ANKRD53: variants seen among roughly 807,000 people sequenced by gnomAD.
The protein encoded by ANKRD53 is ankyrin repeat domain 53.
In ANKRD53, 27 loss-of-function variants were observed where a neutral mutation model predicts 30.1. The ratio of observed to expected loss-of-function variants is 0.90; its 90% confidence interval spans 0.66 to 1.24. The LOEUF (loss-of-function observed/expected upper bound fraction) is 1.24, where lower values mean the gene tolerates loss of function less well. Among genes scored for constraint, ANKRD53 ranks in the 50% most tolerant of loss-of-function variants. ANKRD53 has a pLI of 0.00. For missense variants in ANKRD53, 682 were observed against 721.0 expected (o/e 0.95, Z 0.62); for synonymous variants, 286 against 295.4 (o/e 0.97, Z 0.33).
At chr2:70,981,856 G>T in intron 3 of ANKRD53, 80 bp from the exon 4 acceptor site, 2 of 1,411,874 alleles carry the variant, frequency 1.4e-6, no homozygotes, top group South Asian at 1.5e-5. Flanking sequence ...CTTGGAAACT[G>T]GTGTGTCCAT....
At position 70,982,279 on chromosome 2, in the gene ANKRD53, G is replaced by C; in HGVS notation, c.782+179G>C. On this transcript the variant is annotated intron_variant, in intron 4 of 5. Transcript: ENST00000360589. This position sits in a 1 kb window ranked among gnomAD's most constrained non-coding sequence, Gnocchi z 4.2. ...GCAATCACCTCATCACCTGGGCTTG[G>C]GGGTAAGTCTGCCCAGGTCCCCTGC... The C allele has an allele frequency of 1.2e-6, 1 of 824,032 alleles. No homozygotes were observed. Among genetic ancestry groups the C allele is most frequent in the Non-Finnish European group, 1.8e-6 (1 of 546,362 alleles). 51.0% of individuals were successfully genotyped at this position (824,032 alleles called of 1,614,324 possible). A position where few individuals can be genotyped will look rare whatever the true frequency, so the allele number is the denominator to read the frequency against.
At chr2:70,983,799 C>T (rs1473606293) in intron 5 of ANKRD53, among the ~76,000 whole-genome samples, 31 of 152,212 alleles carry the variant, frequency 2.0e-4, no homozygotes. Flanking sequence ...CATATGCTGA[C>T]TGACTTAGGT....
chr2:70,978,628 C>G (rs1553422775), upstream of ANKRD53: 1 of 1,516,896 alleles, frequency 6.6e-7, no homozygotes. The surrounding 1 kb of genome is among the most constrained non-coding windows in gnomAD (Gnocchi z 4.3). Flanking sequence ...CGGCCCGGGT[C>G]CGAGTTCCAG....
chr2:70,982,165 G>T lies in ANKRD53; in HGVS notation c.782+65G>T. On this transcript the variant is annotated intron_variant, in intron 4 of 5. Transcript: ENST00000360589. The surrounding 1 kb of genome is among the most constrained non-coding windows in gnomAD (Gnocchi z 4.2). ...TCCCCTCCCCCAGCCTTTTCCCTAG[G>T]GCCCTCACCACAGCTGAGCCTTTAA... is the stretch of plus-strand genomic sequence containing the variant. The T allele has an allele frequency of 6.6e-7, 1 of 1,515,554 alleles. No homozygotes were observed. Among genetic ancestry groups the T allele is most frequent in the Non-Finnish European group, 8.9e-7 (1 of 1,127,548 alleles). The allele number at this position is 1,515,554 out of a possible 1,614,324, so 93.9% of individuals were successfully genotyped here. A position where few individuals can be genotyped will look rare whatever the true frequency, so the allele number is the denominator to read the frequency against.
At chr2:70,984,578 T>C in intron 5 of ANKRD53, 33 bp from the exon 6 acceptor site, 1 of 1,605,362 alleles carries the variant, frequency 6.2e-7, no homozygotes, top group Non-Finnish European at 8.5e-7. Flanking sequence ...GCAGCAGTCC[T>C]CCATGACTCT....
intron 2 of ANKRD53, 113 bp from the exon 3 acceptor site, chr2:70,979,548 T>C: frequency 7.1e-7 from 1 of 1,410,208 alleles, no homozygotes. Context: ...GGTGTGAGCA[T>C]TCCTGGGGAC....
In ANKRD53 at chr2:70,979,786, C is replaced by T. The variant is rs202025375; in HGVS notation, c.543C>T (p.Val181=). Residue 181 remains valine, a synonymous_variant, in exon 3 of 6, where the codon GTC becomes GTT. Transcript: ENST00000360589. ...ATAGCCAGACACCCCTGCACCTCGT[C>T]ATCCACAGGGACAACACCACCGTGG... ...TNNSQTPLHL[V]IHRDNTTVAL... is the part of the protein sequence containing the mutation. The T allele has an allele frequency of 6.2e-7, 1 of 1,614,250 alleles. No homozygotes were observed. Among genetic ancestry groups the T allele is most frequent in the Non-Finnish European group, 8.5e-7 (1 of 1,180,054 alleles).
At chr2:70,984,462 A>T (rs782675478) in intron 5 of ANKRD53, 149 bp from the exon 6 acceptor site, 147 of 1,523,344 alleles carry the variant, frequency 9.6e-5, no homozygotes, top group Non-Finnish European at 1.3e-4. Context: ...TGTTGCTTCC[A>T]TCAGACTCAG....
In ANKRD53 at chr2:70,978,840, G is replaced by C; in HGVS notation, c.170+25G>C. 6.5e-7 allele frequency: 1 copy of C among 1,548,414 alleles called. No homozygotes were observed. The highest frequency in any genetic ancestry group is 8.7e-7 in the Non-Finnish European group (1 of 1,146,766). On this transcript the variant is annotated intron_variant, in intron 1 of 5. Transcript: ENST00000360589. This position sits in a 1 kb window ranked among gnomAD's most constrained non-coding sequence, Gnocchi z 4.3. ...GGTGGGTAGCGGGAGAAGGTGTCCC[G>C]GCTGCAGGGAGCGAGAACCCGGCCC...
intron 5 of ANKRD53, among the ~76,000 whole-genome samples, chr2:70,983,571 T>C (rs1670076014): frequency 6.6e-6 from 1 of 152,190 alleles, no homozygotes; most frequent in Non-Finnish European, 1.5e-5. Context: ...ACACCGGGTC[T>C]GTTTCAGTTC....
At chr2:70,980,904 C>T (rs566665006) in intron 3 of ANKRD53, among the ~76,000 whole-genome samples, 62 of 152,034 alleles carry the variant, frequency 4.1e-4, no homozygotes, top group South Asian at 1.2e-3. Flanking sequence ...CAAGATCGTG[C>T]CACTGCACTC....
chr2:70,982,218 G>C lies in ANKRD53; in HGVS notation c.782+118G>C. 8.1e-7 allele frequency: 1 copy of C among 1,237,914 alleles called. No individual in the cohort carries two copies. Among genetic ancestry groups the C allele is most frequent in the Non-Finnish European group, 1.1e-6 (1 of 909,392 alleles). 76.7% of individuals were successfully genotyped at this position (1,237,914 alleles called of 1,614,324 possible). ...GGAGGGTTGGGAAGCCAGACAGCTG[G>C]AGGATGCGCCTACTGCCCAGGATAT... is the stretch of plus-strand genomic sequence containing the variant. On this transcript the variant is annotated intron_variant, in intron 4 of 5. Transcript: ENST00000360589. The surrounding 1 kb of genome is among the most constrained non-coding windows in gnomAD (Gnocchi z 4.2).
At chr2:70,984,568 G>A in intron 5 of ANKRD53, 43 bp from the exon 6 acceptor site, 6 of 1,596,130 alleles carry the variant, frequency 3.8e-6, no homozygotes, top group Non-Finnish European at 5.1e-6. Flanking sequence ...GAAGCAGAGG[G>A]CAGCAGTCCT....
In ANKRD53 at chr2:70,982,330, T is replaced by C. The variant is rs1670037130; in HGVS notation, c.782+230T>C. 7 of 734,180 alleles carry C rather than the reference T, an allele frequency of 9.5e-6. No individual in the cohort carries two copies. In the South Asian group the frequency reaches 1.4e-4, roughly 15 times the overall value. The allele number at this position is 734,180 out of a possible 1,614,324, so 45.5% of individuals were successfully genotyped here. On this transcript the variant is annotated intron_variant, in intron 4 of 5. Transcript: ENST00000360589. The surrounding 1 kb of genome is among the most constrained non-coding windows in gnomAD (Gnocchi z 4.2). Reference sequence around the variant, plus strand: ...TCTCTGGGTTGATCACTGCCCTCCTTTCCTGCCCTGGGGCCCCTGGCTCCT... The same window carrying C: ...TCTCTGGGTTGATCACTGCCCTCCTCTCCTGCCCTGGGGCCCCTGGCTCCT...
Position 70,985,321 on chromosome 2 carries a change from C to T in ANKRD53, c.*21C>T. On this transcript the variant is annotated 3_prime_UTR_variant, in exon 6 of 6. Transcript: ENST00000360589. ...CATAAAGTTATTATGGCTACCTCTCCCCCTGAGGCAGCCCAGTGAAGGCTG... is the reference window on the plus strand; with the variant it reads ...CATAAAGTTATTATGGCTACCTCTCTCCCTGAGGCAGCCCAGTGAAGGCTG... 6.5e-7 allele frequency: 1 copy of T among 1,537,598 alleles called. No homozygotes were observed. Among genetic ancestry groups the T allele is most frequent in the Non-Finnish European group, 8.8e-7 (1 of 1,138,378 alleles).
At position 70,982,058 on chromosome 2, in the gene ANKRD53, C is replaced by G; in HGVS notation, c.740C>G (p.Pro247Arg). 6.2e-7 allele frequency: 1 copy of G among 1,613,166 alleles called. No individual in the cohort carries two copies. Among genetic ancestry groups the G allele is most frequent in the Non-Finnish European group, 8.5e-7 (1 of 1,179,556 alleles). Residue 247 changes from proline to arginine, a missense_variant, in exon 4 of 6, where the codon CCC becomes CGC. Physicochemically the swap from Pro to Arg is moderately radical, Grantham distance 103. Coordinates refer to ENST00000360589, the MANE Select transcript of ANKRD53 (RefSeq NM_001115116.2). The surrounding 1 kb of genome is among the most constrained non-coding windows in gnomAD (Gnocchi z 4.2). ...GCCCAAGATGCCATGGGCTACAAAC[C>G]CATTGACTTCTGCAAAATATGGAAC... ...VHAQDAMGYK[P>R]IDFCKIWNHR...
Position 70,982,042 on chromosome 2 carries a change from G to A in ANKRD53, c.724G>A (p.Ala242Thr), listed in dbSNP as rs782081792. The A allele has an allele frequency of 4.0e-5, 65 of 1,613,730 alleles. No individual in the cohort carries two copies. The highest frequency in any genetic ancestry group is 3.0e-4 in the Admixed American group (18 of 59,974). The part of the protein sequence containing the change: ...QSGANVHAQD[A>T]MGYKPIDFCK... ...TGGCGCCAACGTCCATGCCCAAGAT[G>A]CCATGGGCTACAAACCCATTGACTT... The change falls in exon 4 of 6, where the codon GCC (alanine) becomes ACC (threonine). Residue 242 changes from alanine to threonine, a missense_variant. Physicochemically the swap from Ala to Thr is moderately conservative, Grantham distance 58. Coordinates refer to ENST00000360589, the MANE Select transcript of ANKRD53 (RefSeq NM_001115116.2). This position sits in a 1 kb window ranked among gnomAD's most constrained non-coding sequence, Gnocchi z 4.2.
chr2:70,982,840 G>A lies in ANKRD53; in HGVS notation c.903+143G>A, dbSNP rs1572935946. 4 of 1,120,956 alleles carry A rather than the reference G, an allele frequency of 3.6e-6. No individual in the cohort carries two copies. Among genetic ancestry groups the A allele is most frequent in the East Asian group, 2.7e-5 (1 of 37,546 alleles). 69.4% of individuals were successfully genotyped at this position (1,120,956 alleles called of 1,614,324 possible). On this transcript the variant is annotated intron_variant, in intron 5 of 5. Coordinates refer to ENST00000360589, the MANE Select transcript of ANKRD53 (RefSeq NM_001115116.2). This position sits in a 1 kb window ranked among gnomAD's most constrained non-coding sequence, Gnocchi z 4.2. ...ACCCTTTCGCCTGTACTCCCACCGG[G>A]TACTCTGACTGAAATTCCGCTCTTT...
rs1326100995 is a variant in ANKRD53, at chr2:70,978,849, G to A, written c.170+34G>A. On this transcript the variant is annotated intron_variant, in intron 1 of 5. Transcript: ENST00000360589. This position sits in a 1 kb window ranked among gnomAD's most constrained non-coding sequence, Gnocchi z 4.3. Reference sequence around the variant, plus strand: ...CGGGAGAAGGTGTCCCGGCTGCAGGGAGCGAGAACCCGGCCCAGCGCCTCC... The same window carrying A: ...CGGGAGAAGGTGTCCCGGCTGCAGGAAGCGAGAACCCGGCCCAGCGCCTCC... 6.5e-7 allele frequency: 1 copy of A among 1,537,886 alleles called. No homozygotes were observed. The highest frequency in any genetic ancestry group is 8.8e-7 in the Non-Finnish European group (1 of 1,141,360).
Sources: gnomAD v4.1 joint callset for allele counts (sites outside exome capture counted in the v4.1 genomes callset) on GRCh38, gnomAD v4.1.1 for gene constraint, Gnocchi (gnomAD v3.1) non-coding constraint, MANE v1.5 for transcripts, NCBI Gene and HGNC (gene_info 2026-07-23, HGNC 2026-07-21) for gene names.